Variants in FMNL1 observed in about 807,000 individuals in gnomAD.
The protein encoded by FMNL1 is formin like 1, also known as formin-like protein 1.
In FMNL1, 43 loss-of-function variants were observed where a neutral mutation model predicts 121.3. That is an observed-to-expected ratio of 0.35 (90% confidence interval 0.28 to 0.46). The LOEUF is 0.46. Ranked by LOEUF, FMNL1 falls within the 20% of genes least tolerant of loss-of-function variation. FMNL1 has a pLI of 1.00. For synonymous variants in FMNL1, 613 were observed against 613.5 expected, an observed-to-expected ratio of 1.00 and a Z score of 0.01; for missense variants, 1,191 against 1,482.4, an observed-to-expected ratio of 0.80 and a Z score of 3.23.
At position 45,241,219 on chromosome 17, in the gene FMNL1, G is replaced by A. The variant is rs1196222115; in HGVS notation, c.1321G>A (p.Glu441Lys). 1.2e-6 allele frequency: 2 copies of A among 1,614,092 alleles called. No homozygotes were observed. Among genetic ancestry groups the A allele is most frequent in the Non-Finnish European group, 1.7e-6 (2 of 1,179,994 alleles). The change falls in exon 13 of 27, where the codon GAG becomes AAG. Residue 441 changes from glutamate to lysine, a missense_variant. Glu to Lys is a moderately conservative substitution (Grantham distance 56). Transcript: ENST00000331495. This position sits in a 1 kb window ranked among gnomAD's most constrained non-coding sequence, Gnocchi z 7.0. The stretch of plus-strand genomic sequence containing the variant: ...GCTAAGCCAGGCGCGCAAGGAGTTG[G>A]AGACCCTGCGGGTGAGGCTGGGGCG... ...KQLSQARKEL[E>K]TLRERFSEST...
intron 19 of FMNL1, 64 bp from the exon 20 acceptor site, chr17:45,244,755 C>T: frequency 6.6e-7 from 1 of 1,523,902 alleles, no homozygotes; most frequent in Middle Eastern, 1.7e-4. Context: ...CCTCCTTGTG[C>T]AATATGCTTA....
chr17:45,235,632 G>T (rs930533978), intron 6 of FMNL1, among the ~76,000 whole-genome samples: 1 of 152,164 alleles, frequency 6.6e-6, no homozygotes, highest in Non-Finnish European at 1.5e-5. Flanking sequence ...CTTACTATGT[G>T]CCAGGCACTG....
chr17:45,233,569 T>G lies in FMNL1; in HGVS notation c.402-79T>G. ...GGGGGTTGAAAGGGCACCCCAGGGG[T>G]CCTTGCTGTCCCTGTTCTGTGCCCA... On this transcript the variant is annotated intron_variant, in intron 4 of 26. Coordinates refer to ENST00000331495, the MANE Select transcript of FMNL1 (RefSeq NM_005892.4). This position sits in a 1 kb window ranked among gnomAD's most constrained non-coding sequence, Gnocchi z 4.1. The G allele has an allele frequency of 9.1e-6, 14 of 1,535,926 alleles. No individual in the cohort carries two copies. Among genetic ancestry groups the G allele is most frequent in the Non-Finnish European group, 1.3e-5 (14 of 1,115,564 alleles).
At position 45,237,145 on chromosome 17, in the gene FMNL1, T is replaced by C; in HGVS notation, c.724-136T>C. On this transcript the variant is annotated intron_variant, in intron 7 of 26. Coordinates refer to ENST00000331495, the MANE Select transcript of FMNL1 (RefSeq NM_005892.4). The surrounding 1 kb of genome is among the most constrained non-coding windows in gnomAD (Gnocchi z 4.4). ...AAAAAAAAATAGAAACAAGGCCAGG[T>C]TTTGGTGGCCACAGAAGTTGCGGTT... 1 of 685,510 alleles carries C rather than the reference T, an allele frequency of 1.5e-6. No individual in the cohort carries two copies. The highest frequency in any genetic ancestry group is 2.4e-6 in the Non-Finnish European group (1 of 413,784). The allele number at this position is 685,510 out of a possible 1,614,324, so 42.5% of individuals were successfully genotyped here.
chr17:45,226,118 T>C (rs1204933004), intron 1 of FMNL1, among the ~76,000 whole-genome samples: 3 of 152,162 alleles, frequency 2.0e-5, no homozygotes, highest in Non-Finnish European at 4.4e-5. Context: ...CCTTAGCTAG[T>C]GAGGGCCAGG....
At chr17:45,238,212 G>T in intron 9 of FMNL1, 1 of 249,722 alleles carries the variant, frequency 4.0e-6, no homozygotes, top group Non-Finnish European at 7.8e-6. Flanking sequence ...TGCAGAGGGA[G>T]GGGGAATTGG....
chr17:45,232,515 C>T (rs776651333), intron 3 of FMNL1, 35 bp downstream of exon 3: 1 of 1,600,030 alleles, frequency 6.2e-7, no homozygotes. Flanking sequence ...GTCCCTTTCC[C>T]CCACATTTTC....
chr17:45,232,725 T>C, intron 3 of FMNL1: 1 of 611,522 alleles, frequency 1.6e-6, no homozygotes, highest in Non-Finnish European at 3.0e-6. Flanking sequence ...ATACTGTGTG[T>C]ATACACATGT....
chr17:45,239,962 G>A (rs1598202736), intron 11 of FMNL1, among the ~76,000 whole-genome samples: 2 of 152,142 alleles, frequency 1.3e-5, no homozygotes, highest in Non-Finnish European at 2.9e-5. Flanking sequence ...GTTAATTTTT[G>A]TATTTTTGGT....
rs747719424 is a variant in FMNL1 at position 45,230,591 on chromosome 17, T to C, written c.130-13T>C. On this transcript the variant is annotated splice_polypyrimidine_tract_variant and intron_variant, in intron 1 of 26. Coordinates refer to ENST00000331495, the MANE Select transcript of FMNL1 (RefSeq NM_005892.4). ...GCCCCAGGCTCAGGGGTCTTTGTCC[T>C]CCCTGTCCCCAGAACTGCATGAACT... is the stretch of plus-strand genomic sequence containing the variant. The C allele has an allele frequency of 1.2e-6, 2 of 1,613,396 alleles. No individual in the cohort carries two copies. Among genetic ancestry groups the C allele is most frequent in the Admixed American group, 3.3e-5 (2 of 59,904 alleles).
intron 1 of FMNL1, among the ~76,000 whole-genome samples, chr17:45,223,780 T>C (rs1384785983): frequency 6.6e-6 from 1 of 152,124 alleles, no homozygotes; most frequent in Non-Finnish European, 1.5e-5. Flanking sequence ...GCCAAGTGTG[T>C]GTCTATGGTC....
Position 45,222,206 on chromosome 17 carries a change from C to T in FMNL1, c.82C>T (p.Pro28Ser), listed in dbSNP as rs1474093859. ...CAAGCAGCCCGCGCCTCCCAAGCAG[C>T]CGATGCCCGCGGCCGGAGAGCTGGA... ...PPKQPAPPKQ[P>S]MPAAGELEER... Residue 28 changes from proline (P) to serine (S), a missense_variant, in exon 1 of 27, where the codon CCG becomes TCG. By Grantham distance (74) the Pro-to-Ser change is moderately conservative (BLOSUM62 -1). Transcript: ENST00000331495. The T allele has an allele frequency of 3.2e-6, 4 of 1,257,646 alleles. No individual in the cohort carries two copies. Among genetic ancestry groups the T allele is most frequent in the Admixed American group, 3.7e-5 (1 of 26,726 alleles). The allele number at this position is 1,257,646 out of a possible 1,614,324, so 77.9% of individuals were successfully genotyped here.
At position 45,242,144 on chromosome 17, in the gene FMNL1, C is replaced by A; in HGVS notation, c.1883C>A (p.Pro628Gln). Reference protein sequence around the residue: ...ALGRRDSELGPGVKAKKPIQT... With the variant: ...ALGRRDSELGQGVKAKKPIQT... Reference sequence around the variant, plus strand: ...GGAAGACGCGACTCAGAATTGGGCCCAGGTGAGTGGAGTGGACCACCTTGG... The same window carrying A: ...GGAAGACGCGACTCAGAATTGGGCCAAGGTGAGTGGAGTGGACCACCTTGG... The change falls in exon 15 of 27, where the codon CCA becomes CAA. Residue 628 changes from proline (P) to glutamine (Q), a missense_variant and splice_region_variant. By Grantham distance (76) the Pro-to-Gln change is moderately conservative (BLOSUM62 -1). Transcript: ENST00000331495. 1 of 1,539,112 alleles carries A rather than the reference C, an allele frequency of 6.5e-7. No homozygotes were observed. The highest frequency in any genetic ancestry group is 8.8e-7 in the Non-Finnish European group (1 of 1,142,692).
At position 45,237,760 on chromosome 17, in the gene FMNL1, G is replaced by A. The variant is rs911070571; in HGVS notation, c.894+121G>A. ...GACATTGGGTGGGCATTTGGGGAACGCCCAAAAGTTGAAGTTGAGCCACAT... is the reference window on the plus strand; with the variant it reads ...GACATTGGGTGGGCATTTGGGGAACACCCAAAAGTTGAAGTTGAGCCACAT... On this transcript the variant is annotated intron_variant, in intron 9 of 26. Coordinates refer to ENST00000331495, the MANE Select transcript of FMNL1 (RefSeq NM_005892.4). The surrounding 1 kb of genome is among the most constrained non-coding windows in gnomAD (Gnocchi z 4.4). 14 of 1,070,740 alleles carry A rather than the reference G, an allele frequency of 1.3e-5. No individual in the cohort carries two copies. The highest frequency in any genetic ancestry group is 2.0e-5 in the Admixed American group (1 of 48,892). 66.3% of individuals were successfully genotyped at this position (1,070,740 alleles called of 1,614,324 possible).
In FMNL1 at chr17:45,237,386, G is replaced by A. The variant is rs369841052; in HGVS notation, c.800+29G>A. On this transcript the variant is annotated intron_variant, in intron 8 of 26. Coordinates refer to ENST00000331495, the MANE Select transcript of FMNL1 (RefSeq NM_005892.4). The surrounding 1 kb of genome is among the most constrained non-coding windows in gnomAD (Gnocchi z 4.4). ...AGGTCCAGGCCCCAAACCTTTCTCC[G>A]TATCTAGAGTCTTCTCCTACTTAGC... is the stretch of plus-strand genomic sequence containing the variant. 106 of 1,613,398 alleles carry A rather than the reference G, an allele frequency of 6.6e-5. No individual in the cohort carries two copies. Among genetic ancestry groups the A allele is most frequent in the Admixed American group, 4.8e-4 (29 of 59,994 alleles).
At chr17:45,240,702 G>T in intron 12 of FMNL1, 77 bp downstream of exon 12, 1 of 1,521,878 alleles carries the variant, frequency 6.6e-7, no homozygotes, top group Non-Finnish European at 8.8e-7. Flanking sequence ...ACGCAAGCAT[G>T]GGCACTGGGC....
Position 45,237,256 on chromosome 17 carries a change from AC to A in FMNL1, c.724-24del. On this transcript the variant is annotated intron_variant, in intron 7 of 26. Transcript: ENST00000331495. This position sits in a 1 kb window ranked among gnomAD's most constrained non-coding sequence, Gnocchi z 4.4. ...AAGTCCTGGGGGGCCCTTCCTGGAG[AC>A]ACTGACCTCTCCTCTCTCCCCAGTC... 1.2e-6 allele frequency: 2 copies of A among 1,613,344 alleles called. No individual in the cohort carries two copies. The highest frequency in any genetic ancestry group is 1.7e-6 in the Non-Finnish European group (2 of 1,179,348).
chr17:45,237,692 G>A lies in FMNL1; in HGVS notation c.894+53G>A. On this transcript the variant is annotated intron_variant, in intron 9 of 26. Coordinates refer to ENST00000331495, the MANE Select transcript of FMNL1 (RefSeq NM_005892.4). This position sits in a 1 kb window ranked among gnomAD's most constrained non-coding sequence, Gnocchi z 4.4. Reference sequence around the variant, plus strand: ...ATTTCCCCCTATGGTGTTGCTTGGAGTCTTGTTGTTGGCAGTTGTGGCCTT... The same window carrying A: ...ATTTCCCCCTATGGTGTTGCTTGGAATCTTGTTGTTGGCAGTTGTGGCCTT... The A allele has an allele frequency of 6.3e-7, 1 of 1,593,136 alleles. No individual in the cohort carries two copies. The highest frequency in any genetic ancestry group is 8.6e-7 in the Non-Finnish European group (1 of 1,162,220).
intron 10 of FMNL1, 155 bp downstream of exon 10, chr17:45,238,793 G>A: frequency 1.8e-6 from 2 of 1,106,914 alleles, no homozygotes; most frequent in Non-Finnish European, 2.7e-6. Flanking sequence ...GCAGGGGGCT[G>A]GATTGAGGGA....
Sources: gnomAD v4.1 joint callset for allele counts (sites outside exome capture counted in the v4.1 genomes callset) on GRCh38, gnomAD v4.1.1 for gene constraint, Gnocchi (gnomAD v3.1) non-coding constraint, MANE v1.5 for transcripts, NCBI Gene and HGNC (gene_info 2026-07-23, HGNC 2026-07-21) for gene names.